The following PRIM2 variants were observed in gnomAD, a reference collection of about 807,000 sequenced individuals.
PRIM2 encodes DNA primase subunit 2.
A neutral mutation model predicts 67.3 loss-of-function variants in PRIM2; 39 were observed. The ratio of observed to expected loss-of-function variants is 0.58; its 90% CI spans 0.45 to 0.76. The LOEUF is 0.76. Ranked by LOEUF, PRIM2 falls within the 30% of genes least tolerant of loss-of-function variation. The pLI is 0.00. For synonymous variants in PRIM2, 143 were observed against 198.7 expected (o/e 0.72, Z 2.36); for missense variants, 398 against 598.7 (o/e 0.66, Z 3.50).
intron 7 of PRIM2, among the ~76,000 whole-genome samples, chr6:57,487,858 G>A (rs1773790024): frequency 6.6e-6 from 1 of 152,158 alleles, no homozygotes; most frequent in Admixed American, 6.5e-5. Flanking sequence ...ACTAGCAGCA[G>A]CTACTAGCTT....
the PRIM2 span, among the ~76,000 whole-genome samples, chr6:57,270,833 A>C: frequency 6.6e-6 from 1 of 152,174 alleles, no homozygotes; most frequent in Non-Finnish European, 1.5e-5. Context: ...AGTTTTTAGC[A>C]TGAAGCGTTG....
At position 57,503,078 on chromosome 6, in the gene PRIM2, T is replaced by G. The variant is rs1554347025; in HGVS notation, c.694-4309T>G. Among the ~76,000 whole-genome samples the G allele has an allele frequency of 1.1e-3, 164 of 152,342 alleles. 1 individual carries two copies. Among genetic ancestry groups the G allele is most frequent in the African/African-American group, 3.8e-3 (156 of 41,588 alleles). On this transcript the variant is annotated intron_variant, in intron 7 of 13. Coordinates refer to ENST00000615550, the MANE Select transcript of PRIM2 (RefSeq NM_000947.5). ...ATGCCTCTGTTGGAAATATTTCAGA[T>G]GGGTAAACCTTACATTCACTCTACA...
intron 7 of PRIM2, among the ~76,000 whole-genome samples, chr6:57,409,670 A>T (rs549180160): frequency 2.0e-5 from 3 of 152,174 alleles, no homozygotes; most frequent in South Asian, 2.1e-4. Flanking sequence ...ATTCTAATGG[A>T]TGTATGATGA....
rs1284786111 is a variant in PRIM2, at chr6:57,540,579, G to A, written c.1020+2954G>A. ...ATGAACCACATAGCCTAGAAATATC[G>A]AAAAAGGTAAGAAAAAATTAAGTAT... On this transcript the variant is annotated intron_variant, in intron 10 of 13. Coordinates refer to ENST00000615550, the MANE Select transcript of PRIM2 (RefSeq NM_000947.5). Among the ~76,000 whole-genome samples the A allele has an allele frequency of 1.4e-3, 213 of 152,016 alleles. 5 individuals are homozygous for A. The East Asian group carries it at 0.019, about 14-fold the overall frequency.
At chr6:57,324,118 A>G (rs1581790134) in intron 3 of PRIM2, 83 bp from the exon 4 acceptor site, 1 of 733,302 alleles carries the variant, frequency 1.4e-6, no homozygotes, top group Non-Finnish European at 2.3e-6. Context: ...TTACTTTACC[A>G]TTGGCTTAGG....
At chr6:57,578,098 C>T (rs1159574391) in intron 10 of PRIM2, among the ~76,000 whole-genome samples, 9 of 152,080 alleles carry the variant, frequency 5.9e-5, no homozygotes, top group South Asian at 2.1e-4. Flanking sequence ...GAAGTTTTCT[C>T]GTGATTAGAT....
At position 57,418,397 on chromosome 6, in the gene PRIM2, T is replaced by G. The variant is rs1361911093; in HGVS notation, c.693+36229T>G. 1.0e-3 allele frequency among the ~76,000 whole-genome samples: 128 copies of G among 122,034 alleles called. 2 individuals are homozygous for G. The highest frequency in any genetic ancestry group is 2.9e-3 in the Admixed American group (35 of 12,028). The allele number at this position is 122,034 out of a possible 152,430, so 80.1% of individuals were successfully genotyped here. A position where few individuals can be genotyped will look rare whatever the true frequency, so the allele number is the denominator to read the frequency against. ...CTATGTGTGTGGTTTTTTTTTTTTT[T>G]TTTTTTTTTTTTTTTTTTTTAACAG... On this transcript the variant is annotated intron_variant, in intron 7 of 13. Coordinates refer to ENST00000615550, the MANE Select transcript of PRIM2 (RefSeq NM_000947.5).
intron 9 of PRIM2, among the ~76,000 whole-genome samples, chr6:57,532,891 A>C (rs1260572568): frequency 1.3e-5 from 2 of 151,914 alleles, no homozygotes; most frequent in Non-Finnish European, 2.9e-5. Flanking sequence ...AAGGGATAGT[A>C]GGTTTGATTT....
chr6:57,293,764 G>C, the PRIM2 span, among the ~76,000 whole-genome samples: 4 of 151,182 alleles, frequency 2.6e-5, no homozygotes, highest in African/African-American at 9.7e-5. Flanking sequence ...CATGTTCCCA[G>C]TCATAGGTGG....
At chr6:57,639,339 G>T (rs1327823854) in intron 13 of PRIM2, among the ~76,000 whole-genome samples, 7 of 151,924 alleles carry the variant, frequency 4.6e-5, no homozygotes, top group Non-Finnish European at 8.8e-5. Context: ...ACAATTAAAA[G>T]AACTAGAGAA....
At chr6:57,253,402 CTT>C in the PRIM2 span, among the ~76,000 whole-genome samples, 24 of 152,206 alleles carry the variant, frequency 1.6e-4, no homozygotes, top group South Asian at 5.0e-3. Context: ...AATTCAGAAA[CTT>C]TAATGCTTCT....
chr6:57,426,835 G>A (rs1164645798), intron 7 of PRIM2, among the ~76,000 whole-genome samples: 1 of 152,194 alleles, frequency 6.6e-6, no homozygotes, highest in South Asian at 2.1e-4. Context: ...AAGTAGAAAT[G>A]TGTACAATTT....
chr6:57,608,135 A>G (rs1420283705), intron 12 of PRIM2, among the ~76,000 whole-genome samples: 2 of 152,152 alleles, frequency 1.3e-5, no homozygotes, highest in Non-Finnish European at 2.9e-5. Flanking sequence ...CTCTTTGTCA[A>G]GCATTAAAAG....
Position 57,363,437 on chromosome 6 carries a change from A to G in PRIM2, c.460-16464A>G, listed in dbSNP as rs530580441. Among the ~76,000 whole-genome samples, 630 of 152,264 alleles carry G rather than the reference A, an allele frequency of 4.1e-3. 1 individual carries two copies. Among genetic ancestry groups the G allele is most frequent in the African/African-American group, 0.013 (546 of 41,568 alleles). On this transcript the variant is annotated intron_variant, in intron 5 of 13. Transcript: ENST00000615550. ...AGTTTCAAGTGAAATGTGTTTTTTTATGTTTTATTACTATATACTATACCT... is the reference window on the plus strand; with the variant it reads ...AGTTTCAAGTGAAATGTGTTTTTTTGTGTTTTATTACTATATACTATACCT...
chr6:57,462,968 A>G (rs963490801), intron 7 of PRIM2, among the ~76,000 whole-genome samples: 1 of 152,192 alleles, frequency 6.6e-6, no homozygotes, highest in African/African-American at 2.4e-5. Context: ...TTTCTGGTTC[A>G]TTATGTCACA....
intron 5 of PRIM2, among the ~76,000 whole-genome samples, chr6:57,378,834 T>C (rs1410755426): frequency 1.3e-5 from 2 of 152,262 alleles, no homozygotes; most frequent in African/African-American, 4.8e-5. Context: ...TTGTTTTCTC[T>C]AGGAGGTTGA....
chr6:57,272,765 C>T, the PRIM2 span, among the ~76,000 whole-genome samples: 11 of 152,236 alleles, frequency 7.2e-5, no homozygotes, highest in East Asian at 1.9e-4. Flanking sequence ...TGGCTGGTAC[C>T]GGTTGTTCCT....
intron 11 of PRIM2, 110 bp downstream of exon 11, chr6:57,601,329 A>G (rs1198688899): frequency 5.0e-6 from 6 of 1,204,576 alleles, no homozygotes; most frequent in Non-Finnish European, 6.7e-6. Flanking sequence ...CCTAGTTTGT[A>G]TCTTATCTCA....
chr6:57,538,454 AT>A (rs1221001087), intron 10 of PRIM2, among the ~76,000 whole-genome samples: 1 of 152,156 alleles, frequency 6.6e-6, no homozygotes, highest in Non-Finnish European at 1.5e-5. Flanking sequence ...AGCTAATAAC[AT>A]TTTACTTGGA....
Sources: gnomAD v4.1 joint callset for allele counts (sites outside exome capture counted in the v4.1 genomes callset) on GRCh38, gnomAD v4.1.1 for gene constraint, MANE v1.5 for transcripts, NCBI Gene and HGNC (gene_info 2026-07-23, HGNC 2026-07-21) for gene names.